The following PAK1 variants were observed in gnomAD, a reference collection of about 807,000 sequenced individuals.
PAK1 encodes the protein serine/threonine-protein kinase PAK 1.
PAK1 carries 29 observed loss-of-function variants against 67.4 expected under a neutral mutation model. The observed-to-expected ratio is 0.43, with a 90% CI of 0.32 to 0.59. The LOEUF (loss-of-function observed/expected upper bound fraction) is 0.59, where lower values mean the gene tolerates loss of function less well. Among genes scored for constraint, PAK1 ranks in the 20% least tolerant of loss-of-function variants. The pLI is 0.07. For synonymous variants in PAK1, 223 were observed against 237.4 expected, an observed-to-expected ratio of 0.94 and a Z score of 0.56; for missense variants, 337 against 670.7, an observed-to-expected ratio of 0.50 and a Z score of 5.50.
At chr11:77,400,589 T>C (rs1952544619) in intron 1 of PAK1, among the ~76,000 whole-genome samples, 1 of 152,176 alleles carries the variant, frequency 6.6e-6, no homozygotes, top group Admixed American at 6.5e-5. Context: ...TTAGTCCAAG[T>C]CACACAATGA....
At chr11:77,519,702 C>T in the PAK1 span, among the ~76,000 whole-genome samples, 2 of 152,224 alleles carry the variant, frequency 1.3e-5, no homozygotes, top group East Asian at 3.9e-4. Flanking sequence ...TTTTCCTTAT[C>T]AGTTAGGTCT....
intron 5 of PAK1, 127 bp downstream of exon 5, chr11:77,374,201 T>A: frequency 2.0e-6 from 1 of 510,598 alleles, no homozygotes; most frequent in African/African-American, 2.0e-5. Flanking sequence ...TAGATAGGAA[T>A]TCTGAGGCCA....
At chr11:77,351,174 G>C (rs577016189) in intron 8 of PAK1, among the ~76,000 whole-genome samples, 1 of 152,190 alleles carries the variant, frequency 6.6e-6, no homozygotes, top group East Asian at 1.9e-4. Flanking sequence ...TAAAAATTAT[G>C]CAATGTGGAA....
intron 5 of PAK1, among the ~76,000 whole-genome samples, chr11:77,363,133 C>G (rs1234757638): frequency 6.6e-6 from 1 of 152,122 alleles, no homozygotes; most frequent in Non-Finnish European, 1.5e-5. Context: ...TTTTGGGTGG[C>G]TGCTGCCTGA....
At chr11:77,338,957 G>C (rs1170785360) in intron 11 of PAK1, among the ~76,000 whole-genome samples, 1 of 152,040 alleles carries the variant, frequency 6.6e-6, no homozygotes, top group Non-Finnish European at 1.5e-5. Context: ...ACTGTTAATG[G>C]ATATTAATTT....
At chr11:77,356,715 A>G (rs1261963802) in intron 6 of PAK1, among the ~76,000 whole-genome samples, 3 of 152,214 alleles carry the variant, frequency 2.0e-5, no homozygotes, top group Non-Finnish European at 4.4e-5. Context: ...ATTCATTTAC[A>G]TAACAAACAT....
chr11:77,357,455 C>A (rs932372372), intron 6 of PAK1, among the ~76,000 whole-genome samples: 1 of 152,188 alleles, frequency 6.6e-6, no homozygotes, highest in African/African-American at 2.4e-5. Flanking sequence ...GGCACCTAAA[C>A]CTGTACTTCC....
At chr11:77,379,560 T>C in intron 3 of PAK1, 172 bp from the exon 4 acceptor site, 1 of 618,758 alleles carries the variant, frequency 1.6e-6, no homozygotes. Flanking sequence ...TCTTTCTCAT[T>C]GAATTAGTCA....
chr11:77,407,469 A>G lies in PAK1; in HGVS notation c.-21-14928T>C, dbSNP rs986464204. Among the ~76,000 whole-genome samples, 6 of 152,206 alleles carry G rather than the reference A, an allele frequency of 3.9e-5. No individual in the cohort carries two copies. In the East Asian group the frequency reaches 9.6e-4, roughly 24 times the overall value. Reference sequence around the variant, plus strand: ...ATCTTGGTGTCTATACTGAGTGCCTATTCTTGCCTGTCAGTGGCAACCCTA... The same window carrying G: ...ATCTTGGTGTCTATACTGAGTGCCTGTTCTTGCCTGTCAGTGGCAACCCTA... On this transcript the variant is annotated intron_variant, in intron 1 of 14. Transcript: ENST00000356341.
chr11:77,408,850 A>C (rs979335429), intron 1 of PAK1, among the ~76,000 whole-genome samples: 1 of 152,256 alleles, frequency 6.6e-6, no homozygotes, highest in Non-Finnish European at 1.5e-5. Context: ...TTTCGTAACA[A>C]GAGATACAAA....
intron 10 of PAK1, among the ~76,000 whole-genome samples, chr11:77,343,515 T>C (rs1943958027): frequency 6.6e-6 from 1 of 152,160 alleles, no homozygotes; most frequent in East Asian, 1.9e-4. Context: ...GGATGTAAAA[T>C]GAGTTAAGGA....
the PAK1 span, among the ~76,000 whole-genome samples, chr11:77,489,966 G>A: frequency 6.6e-6 from 1 of 151,582 alleles, no homozygotes; most frequent in Non-Finnish European, 1.5e-5. Context: ...AAAGTGAGGA[G>A]CGTCTCTGCC....
At chr11:77,464,484 A>G (rs1181778802) in intron 1 of PAK1, among the ~76,000 whole-genome samples, 1 of 152,232 alleles carries the variant, frequency 6.6e-6, no homozygotes, top group Non-Finnish European at 1.5e-5. Flanking sequence ...GAGCAAGGAC[A>G]AGGACCATGT....
Position 77,322,886 on chromosome 11 carries a change from T to C in PAK1, c.*388A>G, listed in dbSNP as rs1458424532. On this transcript the variant is annotated 3_prime_UTR_variant, in exon 15 of 15. Transcript: ENST00000356341. ...AAAGCAAGCACTAAAGAAATCTCAA[T>C]TGATTACAAATTGATAATATTATCA... 1.5e-5 allele frequency: 8 copies of C among 540,264 alleles called. No individual in the cohort carries two copies. 33.5% of individuals were successfully genotyped at this position (540,264 alleles called of 1,614,324 possible). A position where few individuals can be genotyped will look rare whatever the true frequency, so the allele number is the denominator to read the frequency against.
At chr11:77,451,957 AT>A (rs945777233) in intron 1 of PAK1, among the ~76,000 whole-genome samples, 1 of 152,206 alleles carries the variant, frequency 6.6e-6, no homozygotes, top group African/African-American at 2.4e-5. Context: ...AATGGGAAAA[AT>A]ATTTCTTTTC....
the PAK1 span, among the ~76,000 whole-genome samples, chr11:77,519,847 G>A: frequency 6.6e-6 from 1 of 152,192 alleles, no homozygotes; most frequent in Non-Finnish European, 1.5e-5. Flanking sequence ...ACACTGAAGG[G>A]TAAATAGAGC....
At chr11:77,505,195 C>CTTTTTCT in the PAK1 span, among the ~76,000 whole-genome samples, 1 of 149,598 alleles carries the variant, frequency 6.7e-6, no homozygotes, top group Non-Finnish European at 1.5e-5. Flanking sequence ...TTTTCTTTTT[C>CTTTTTCT]TTTTTTTTTT....
intron 4 of PAK1, among the ~76,000 whole-genome samples, chr11:77,377,044 C>A (rs887628935): frequency 4.6e-5 from 7 of 152,054 alleles, no homozygotes; most frequent in African/African-American, 1.4e-4. Flanking sequence ...TGTGGGAAGC[C>A]AAGGTGAGCA....
chr11:77,398,845 CT>C (rs1444367590), intron 1 of PAK1, among the ~76,000 whole-genome samples: 39 of 152,154 alleles, frequency 2.6e-4, no homozygotes, highest in Admixed American at 2.6e-3. Flanking sequence ...TTGTGTTCCG[CT>C]ACTTCTGATT....
Sources: gnomAD v4.1 joint callset for allele counts (sites outside exome capture counted in the v4.1 genomes callset) on GRCh38, gnomAD v4.1.1 for gene constraint, MANE v1.5 for transcripts, NCBI Gene and HGNC (gene_info 2026-07-23, HGNC 2026-07-21) for gene names.